The following ALAS1 variants were observed in gnomAD, a reference collection of about 807,000 sequenced individuals.
ALAS1 encodes the protein 5'-aminolevulinate synthase 1, also known as 5-aminolevulinate synthase, non-specific, mitochondrial.
ALAS1 carries 29 observed loss-of-function variants against 59.6 expected under a neutral mutation model. The ratio of observed to expected loss-of-function variants is 0.49; its 90% confidence interval spans 0.36 to 0.66. ALAS1 has a LOEUF of 0.66. Ranked by LOEUF, ALAS1 falls within the 30% of genes least tolerant of loss-of-function variation. ALAS1 has a pLI of 0.00. For synonymous variants in ALAS1, 299 were observed against 296.6 expected (o/e 1.01, Z -0.08); for missense variants, 690 against 807.5 (o/e 0.85, Z 1.76).
At chr3:52,209,223 T>TC (rs1699355688) in intron 9 of ALAS1, among the ~76,000 whole-genome samples, 1 of 152,172 alleles carries the variant, frequency 6.6e-6, no homozygotes, top group South Asian at 2.1e-4. Context: ...TTCTTTTTTT[T>TC]CCGAGATGGA....
rs1399575974 is a variant in ALAS1, at chr3:52,206,054, T to G, written c.985+31T>G. The stretch of plus-strand genomic sequence containing the variant: ...GAAGCCTGGCATGAGTGCCTTCGAG[T>G]TTTTTGGGTTTCTTAGTAATAACAA... On this transcript the variant is annotated intron_variant, in intron 7 of 11. Coordinates refer to ENST00000484952, the MANE Select transcript of ALAS1 (RefSeq NM_000688.6). The G allele has an allele frequency of 3.9e-6, 6 of 1,548,406 alleles. No homozygotes were observed. In the African/African-American group the frequency reaches 8.3e-5, roughly 21 times the overall value.
Position 52,203,476 on chromosome 3 carries a change from G to A in ALAS1, c.428-387G>A, listed in dbSNP as rs917481352. On this transcript the variant is annotated intron_variant, in intron 4 of 11. Transcript: ENST00000484952. ...GGATCGCTTGAACCCAGGAGGCAGA[G>A]GTTGCAATGAGTCGAGATCGTGCCA... 3.3e-5 allele frequency among the ~76,000 whole-genome samples: 5 copies of A among 152,116 alleles called. No individual in the cohort carries two copies. In the South Asian group the frequency reaches 8.3e-4, roughly 25 times the overall value.
At chr3:52,209,319 T>G (rs1036477385) in intron 9 of ALAS1, among the ~76,000 whole-genome samples, 1 of 152,236 alleles carries the variant, frequency 6.6e-6, no homozygotes, top group Non-Finnish European at 1.5e-5. Flanking sequence ...GCCATTCTAC[T>G]GCCTCAGCCT....
rs573352794 is a variant in ALAS1 at position 52,202,417 on chromosome 3, C to A, written c.200-90C>A. 389 of 1,049,078 alleles carry A rather than the reference C, an allele frequency of 3.7e-4. 1 individual carries two copies. Among genetic ancestry groups the A allele is most frequent in the Non-Finnish European group, 5.0e-4 (345 of 684,240 alleles). The allele number at this position is 1,049,078 out of a possible 1,614,324, so 65.0% of individuals were successfully genotyped here. On this transcript the variant is annotated intron_variant, in intron 3 of 11. Coordinates refer to ENST00000484952, the MANE Select transcript of ALAS1 (RefSeq NM_000688.6). ...GGGGTACAGTAAGTATTAAGTTTAT[C>A]TTTGAGGCAATAAAAGAAAGAAATA...
intron 3 of ALAS1, among the ~76,000 whole-genome samples, chr3:52,201,727 G>A (rs571294933): frequency 3.9e-4 from 60 of 152,152 alleles, no homozygotes; most frequent in Non-Finnish European, 7.9e-4. Flanking sequence ...ATGCACTCTA[G>A]CCTGGTTGAC....
At chr3:52,212,542 T>G (rs919940043) in intron 11 of ALAS1, 122 bp downstream of exon 11, 2 of 1,342,430 alleles carry the variant, frequency 1.5e-6, no homozygotes, top group African/African-American at 2.9e-5. Context: ...TTTTAGTTTT[T>G]TTTTTGAGAC....
intron 3 of ALAS1, among the ~76,000 whole-genome samples, chr3:52,201,588 CAAAAAAT>C (rs1559871607): frequency 6.6e-6 from 1 of 151,984 alleles, no homozygotes; most frequent in South Asian, 2.1e-4. Flanking sequence ...TCCGTCTCTA[CAAAAAAT>C]AAAAAATAAA....
chr3:52,206,733 A>G lies in ALAS1; in HGVS notation c.1147A>G (p.Thr383Ala). Residue 383 changes from threonine (T) to alanine (A), a missense_variant, in exon 8 of 12, where the codon ACT (threonine) becomes GCT (alanine). Coordinates refer to ENST00000484952, the MANE Select transcript of ALAS1 (RefSeq NM_000688.6). ...PSVPKIVAFETVHSMDGAVCP... is the reference protein window; with the variant it reads ...PSVPKIVAFEAVHSMDGAVCP... The stretch of plus-strand genomic sequence containing the variant: ...AGTCCCCAAGATTGTGGCATTTGAA[A>G]CTGTCCATTCAATGGATGGTAAGTG... 1 of 1,614,160 alleles carries G rather than the reference A, an allele frequency of 6.2e-7. No individual in the cohort carries two copies. The highest frequency in any genetic ancestry group is 8.5e-7 in the Non-Finnish European group (1 of 1,180,028).
chr3:52,211,772 G>A (rs2107283030), intron 10 of ALAS1, among the ~76,000 whole-genome samples: 1 of 152,276 alleles, frequency 6.6e-6, no homozygotes, highest in South Asian at 2.1e-4. Flanking sequence ...TCCCTCTCCG[G>A]AGCACTGACC....
intron 7 of ALAS1, 84 bp from the exon 8 acceptor site, chr3:52,206,488 T>A: frequency 6.8e-7 from 1 of 1,466,162 alleles, no homozygotes; most frequent in Non-Finnish European, 9.3e-7. Context: ...AAGCATCATT[T>A]CCAAGGAAAA....
chr3:52,203,554 CAG>C (rs147060019), intron 4 of ALAS1, among the ~76,000 whole-genome samples: 2,552 of 149,532 alleles, frequency 0.017, 66 homozygotes, highest in African/African-American at 0.057. Flanking sequence ...AAAAAAAAAA[CAG>C]AAAATTGAGA....
At chr3:52,198,948 T>C in intron 2 of ALAS1, 100 bp downstream of exon 2, 3 of 1,336,488 alleles carry the variant, frequency 2.2e-6, no homozygotes, top group Non-Finnish European at 3.1e-6. Flanking sequence ...GCCCCCTTGA[T>C]TATGTACTGT....
intron 11 of ALAS1, 138 bp from the exon 12 acceptor site, chr3:52,213,882 C>T (rs765921344): frequency 4.1e-6 from 3 of 731,714 alleles, no homozygotes; most frequent in African/African-American, 1.8e-5. Flanking sequence ...TATTGGTGGA[C>T]ATTTGGTTGT....
chr3:52,206,859 G>T lies in ALAS1; in HGVS notation c.1165+108G>T, dbSNP rs1313254577. The T allele has an allele frequency of 1.0e-5, 12 of 1,204,654 alleles. No homozygotes were observed. The East Asian group carries it at 1.4e-4, about 14-fold the overall frequency. 74.6% of individuals were successfully genotyped at this position (1,204,654 alleles called of 1,614,324 possible). A position where few individuals can be genotyped will look rare whatever the true frequency, so the allele number is the denominator to read the frequency against. Reference sequence around the variant, plus strand: ...TTTTTAATTTTTTTTTTTTGTGACCGATCCTCGCTCTGTTGCCCAGGCAGG... The same window carrying T: ...TTTTTAATTTTTTTTTTTTGTGACCTATCCTCGCTCTGTTGCCCAGGCAGG... On this transcript the variant is annotated intron_variant, in intron 8 of 11. Transcript: ENST00000484952.
At chr3:52,200,958 A>G (rs1444306890) in intron 3 of ALAS1, among the ~76,000 whole-genome samples, 3 of 152,126 alleles carry the variant, frequency 2.0e-5, no homozygotes, top group African/African-American at 7.2e-5. Context: ...TTTTTTACCA[A>G]AATGCTTGCA....
chr3:52,207,001 ATTTT>A (rs770904720), intron 8 of ALAS1, among the ~76,000 whole-genome samples: 1 of 125,142 alleles, frequency 8.0e-6, no homozygotes. Flanking sequence ...CGCCTGGCTA[ATTTT>A]TTTTTTTTTT....
Position 52,211,312 on chromosome 3 carries a change from A to C in ALAS1, c.1360A>C (p.Ile454Leu), listed in dbSNP as rs1250937031. 2 of 1,614,186 alleles carry C rather than the reference A, an allele frequency of 1.2e-6. No individual in the cohort carries two copies. Among genetic ancestry groups the C allele is most frequent in the African/African-American group, 1.3e-5 (1 of 75,056 alleles). The change falls in exon 10 of 12, where the codon ATC becomes CTC. Residue 454 changes from isoleucine to leucine, a missense_variant. Coordinates refer to ENST00000484952, the MANE Select transcript of ALAS1 (RefSeq NM_000688.6). ...GKAFGCVGGY[I>L]ASTSSLIDTV... is the part of the protein sequence containing the mutation. ...AGCCTTTGGTTGTGTTGGAGGGTAC[A>C]TCGCCAGCACGAGTTCTCTGATTGA...
At position 52,212,365 on chromosome 3, in the gene ALAS1, C is replaced by G. The variant is rs768548856; in HGVS notation, c.1707C>G (p.Leu569=). The change falls in exon 11 of 12, where the codon CTC becomes CTG. Residue 569 remains leucine (L), a synonymous_variant. Coordinates refer to ENST00000484952, the MANE Select transcript of ALAS1 (RefSeq NM_000688.6). ...CTACGGTGCCCCGGGGAGAAGAGCT[C>G]CTACGGATTGCCCCCACCCCTCACC... The part of the protein sequence containing the change: ...NYPTVPRGEE[L]LRIAPTPHHT... 6.2e-7 allele frequency: 1 copy of G among 1,614,018 alleles called. No homozygotes were observed. The highest frequency in any genetic ancestry group is 1.3e-5 in the African/African-American group (1 of 74,920).
At chr3:52,202,758 T>C in intron 4 of ALAS1, 24 bp downstream of exon 4, 1 of 1,603,928 alleles carries the variant, frequency 6.2e-7, no homozygotes, top group Non-Finnish European at 8.5e-7. Context: ...TGTGAACCAT[T>C]AGTGGTAGTG....
Sources: gnomAD v4.1 joint callset for allele counts (sites outside exome capture counted in the v4.1 genomes callset) on GRCh38, gnomAD v4.1.1 for gene constraint, MANE v1.5 for transcripts, NCBI Gene and HGNC (gene_info 2026-07-23, HGNC 2026-07-21) for gene names.